Variants in FREM1 observed in about 807,000 individuals in gnomAD.
The protein encoded by FREM1 is FRAS1 related extracellular matrix 1.
FREM1 carries 220 observed loss-of-function variants against 210.1 expected under a neutral mutation model. That is an observed-to-expected ratio of 1.05 (90% CI 0.94 to 1.17). The LOEUF is 1.17. Among genes scored for constraint, FREM1 ranks in the 50% most tolerant of loss-of-function variants. The pLI, the probability that FREM1 is intolerant of heterozygous loss-of-function variation, is 0.00. For synonymous variants in FREM1, 1,189 were observed against 980.2 expected (o/e 1.21, Z -3.98); for missense variants, 3,454 against 2,675.5 (o/e 1.29, Z -6.42).
chr9:14,818,313 G>C lies in FREM1; in HGVS notation c.2546+921C>G, dbSNP rs185056836. Among the ~76,000 whole-genome samples the C allele has an allele frequency of 3.4e-3, 523 of 152,328 alleles. 13 individuals carry two copies. Among genetic ancestry groups the C allele is most frequent in the Admixed American group, 0.029 (443 of 15,298 alleles). On this transcript the variant is annotated intron_variant, in intron 14 of 36. Transcript: ENST00000380880. ...AAAAAACATTTTTTTAACAAGGATA[G>C]GAGTGCGAGTGCAAAGATCAAGATA...
At chr9:14,810,443 T>A (rs1286190218) in intron 16 of FREM1, among the ~76,000 whole-genome samples, 2 of 152,100 alleles carry the variant, frequency 1.3e-5, no homozygotes, top group Non-Finnish European at 2.9e-5. Flanking sequence ...ATGTTAATCA[T>A]AGTGTTATTA....
chr9:14,828,048 G>A (rs1564021663), intron 10 of FREM1, among the ~76,000 whole-genome samples: 1 of 152,236 alleles, frequency 6.6e-6, no homozygotes, highest in Non-Finnish European at 1.5e-5. Flanking sequence ...TCAGGTGCAG[G>A]GCTGCTGCAG....
chr9:14,748,272 G>A, intron 31 of FREM1, 129 bp downstream of exon 31: 2 of 634,568 alleles, frequency 3.2e-6, no homozygotes, highest in Non-Finnish European at 5.6e-6. Context: ...AACTGTGCAA[G>A]GAACCATGGC....
At chr9:14,853,656 G>T (rs911868037) in intron 5 of FREM1, among the ~76,000 whole-genome samples, 11 of 152,102 alleles carry the variant, frequency 7.2e-5, no homozygotes, top group Non-Finnish European at 1.3e-4. Context: ...AAACTAACCA[G>T]CAATGCCCAG....
At chr9:14,747,157 G>A (rs1842615337) in intron 33 of FREM1, 106 bp from the exon 34 acceptor site, 1 of 1,581,910 alleles carries the variant, frequency 6.3e-7, no homozygotes, top group Non-Finnish European at 8.7e-7. Context: ...TTTGTGTTGG[G>A]TAAACTATCC....
At chr9:14,780,450 A>AAAAAAAAAAAAAAAAAAG (rs1849478286) in intron 24 of FREM1, among the ~76,000 whole-genome samples, 1 of 150,882 alleles carries the variant, frequency 6.6e-6, no homozygotes, top group East Asian at 1.9e-4. Flanking sequence ...AAAAAAAAAA[A>AAAAAAAAAAAAAAAAAAG]GTCCAGCCGG....
At chr9:14,772,490 T>C (rs964511072) in intron 25 of FREM1, among the ~76,000 whole-genome samples, 1 of 152,208 alleles carries the variant, frequency 6.6e-6, no homozygotes, top group Non-Finnish European at 1.5e-5. Flanking sequence ...TATAATATCA[T>C]CCCATTTCTA....
intron 8 of FREM1, 151 bp downstream of exon 8, chr9:14,845,809 T>A: frequency 1.3e-6 from 1 of 760,922 alleles, no homozygotes; most frequent in Non-Finnish European, 2.2e-6. Flanking sequence ...AACACAAAAG[T>A]CAATGATTTC....
intron 10 of FREM1, among the ~76,000 whole-genome samples, chr9:14,839,500 T>G (rs1825251944): frequency 6.6e-6 from 1 of 152,132 alleles, no homozygotes; most frequent in South Asian, 2.1e-4. Flanking sequence ...CCCCTTCTCT[T>G]TCTCTTTCTA....
rs1842722435 is a variant in FREM1, at chr9:14,747,737, G to C, written c.5797-9C>G. ...ACAGAGGATGGACGAACCTGAAATT[G>C]ACAGAGAACAAAATATGAACAGAAT... On this transcript the variant is annotated splice_polypyrimidine_tract_variant and intron_variant, in intron 31 of 36. Transcript: ENST00000380880. 6.6e-7 allele frequency: 1 copy of C among 1,523,450 alleles called. No homozygotes were observed. The highest frequency in any genetic ancestry group is 1.2e-5 in the South Asian group (1 of 81,002). The allele number at this position is 1,523,450 out of a possible 1,614,324, so 94.4% of individuals were successfully genotyped here.
At chr9:14,834,081 G>A (rs184962884) in intron 10 of FREM1, among the ~76,000 whole-genome samples, 4 of 152,244 alleles carry the variant, frequency 2.6e-5, no homozygotes, top group East Asian at 1.9e-4. Flanking sequence ...AAATTACTTC[G>A]CATTATGAGA....
intron 1 of FREM1, among the ~76,000 whole-genome samples, chr9:14,894,886 A>G (rs1837433281): frequency 6.6e-6 from 1 of 152,220 alleles, no homozygotes. Context: ...TGGTTATTTT[A>G]CCAAGGCTTT....
intron 8 of FREM1, 34 bp downstream of exon 8, chr9:14,845,926 A>G: frequency 8.1e-6 from 13 of 1,610,292 alleles, no homozygotes; most frequent in Non-Finnish European, 1.0e-5. Context: ...ATACTTTTGG[A>G]TTCTTTGCTA....
At chr9:14,833,005 A>C (rs10046797) in intron 10 of FREM1, among the ~76,000 whole-genome samples, 59,153 of 151,940 alleles carry the variant, frequency 0.39, 11,983 homozygotes, top group East Asian at 0.54. Flanking sequence ...TGGGCCTCCA[A>C]CTTGTTTCAT....
intron 29 of FREM1, 58 bp downstream of exon 29, chr9:14,756,316 C>G: frequency 8.5e-7 from 1 of 1,180,580 alleles, no homozygotes; most frequent in African/African-American, 1.6e-5. Flanking sequence ...TCCAGACATG[C>G]CTACAAAAAA....
At chr9:14,760,781 G>A (rs1021953571) in intron 27 of FREM1, among the ~76,000 whole-genome samples, 5 of 152,062 alleles carry the variant, frequency 3.3e-5, no homozygotes, top group Admixed American at 2.0e-4. Flanking sequence ...AGTTCTTTGC[G>A]ACTCTTTTGT....
intron 1 of FREM1, among the ~76,000 whole-genome samples, chr9:14,894,946 C>G (rs1391111547): frequency 1.3e-5 from 2 of 152,270 alleles, no homozygotes; most frequent in East Asian, 3.9e-4. Flanking sequence ...ACTGGTAAAG[C>G]CAATAAAAGC....
rs541665026 is a variant in FREM1, at chr9:14,836,740, G to A, written c.1881+4707C>T. Among the ~76,000 whole-genome samples the A allele has an allele frequency of 1.9e-4, 29 of 152,192 alleles. No homozygotes were observed. In the East Asian group the frequency reaches 3.5e-3, roughly 18 times the overall value. Reference sequence around the variant, plus strand: ...CCGCATGTGGACATGCCATTCTTCCGAGGACCCTTAAATCAATCCCAGGAG... The same window carrying A: ...CCGCATGTGGACATGCCATTCTTCCAAGGACCCTTAAATCAATCCCAGGAG... On this transcript the variant is annotated intron_variant, in intron 10 of 36. Transcript: ENST00000380880. This position sits in a 1 kb window ranked among gnomAD's most constrained non-coding sequence, Gnocchi z 4.9.
chr9:14,744,886 C>G (rs1842143703), intron 35 of FREM1, among the ~76,000 whole-genome samples: 1 of 152,164 alleles, frequency 6.6e-6, no homozygotes, highest in African/African-American at 2.4e-5. Flanking sequence ...TCTATTTGCT[C>G]TGCATCTTTA....
Sources: allele counts gnomAD v4.1 joint callset (sites outside exome capture counted in the v4.1 genomes callset), GRCh38; gene constraint gnomAD v4.1.1; non-coding constraint Gnocchi (gnomAD v3.1); transcripts MANE v1.5; gene names NCBI Gene and HGNC (gene_info 2026-07-23, HGNC 2026-07-21).